GABRB2: variants seen among roughly 807,000 people sequenced by gnomAD.
GABRB2 encodes gamma-aminobutyric acid receptor subunit beta-2.
In GABRB2, 16 loss-of-function variants were observed where a neutral mutation model predicts 54.7. That is an observed-to-expected ratio of 0.29 (90% CI 0.20 to 0.44). The LOEUF (loss-of-function observed/expected upper bound fraction) is 0.44, where lower values mean the gene tolerates loss of function less well. Ranked by LOEUF, GABRB2 falls within the 20% of genes least tolerant of loss-of-function variation. The probability of loss-of-function intolerance (pLI) is 1.00; values close to 1 mark genes in which losing one functional copy is unlikely to be tolerated. For missense variants in GABRB2, 355 were observed against 644.0 expected (o/e 0.55, Z 4.86); for synonymous variants, 244 against 233.8 (o/e 1.04, Z -0.40).
intron 5 of GABRB2, among the ~76,000 whole-genome samples, chr5:161,395,815 G>C (rs779545155): frequency 3.5e-4 from 54 of 152,184 alleles, no homozygotes; most frequent in Middle Eastern, 3.4e-3. Flanking sequence ...TTGGGCTGAA[G>C]AGCCAAGACT....
chr5:161,384,477 C>A (rs781308290), intron 5 of GABRB2, among the ~76,000 whole-genome samples: 5 of 152,134 alleles, frequency 3.3e-5, no homozygotes, highest in Non-Finnish European at 7.3e-5. Flanking sequence ...GCTTCTTTCA[C>A]GGTAACAGTG....
At chr5:161,521,560 GA>G (rs1173481288) in intron 3 of GABRB2, among the ~76,000 whole-genome samples, 1 of 151,948 alleles carries the variant, frequency 6.6e-6, no homozygotes, top group Non-Finnish European at 1.5e-5. Context: ...TCACCTCACA[GA>G]AACGGTGGGA....
chr5:161,400,453 T>C (rs935509643), intron 5 of GABRB2, among the ~76,000 whole-genome samples: 1 of 152,016 alleles, frequency 6.6e-6, no homozygotes, highest in African/African-American at 2.4e-5. Context: ...CGCTACAAAA[T>C]TTGCCCACAG....
rs183448688 is a variant in GABRB2 at position 161,341,355 on chromosome 5, C to A, written c.542-4586G>T. 7.2e-5 allele frequency among the ~76,000 whole-genome samples: 11 copies of A among 151,950 alleles called. No individual in the cohort carries two copies. In the East Asian group the frequency reaches 2.1e-3, roughly 29 times the overall value. ...CAGAAGGAAATGCACTGAAGCACTT[C>A]GTTAATGTACTGCAAATTAAACTCA... On this transcript the variant is annotated intron_variant, in intron 5 of 9. Transcript: ENST00000393959.
chr5:161,443,050 A>G (rs1456935475), intron 4 of GABRB2, among the ~76,000 whole-genome samples: 1 of 152,112 alleles, frequency 6.6e-6, no homozygotes, highest in Non-Finnish European at 1.5e-5. Flanking sequence ...TGTTCTCCTG[A>G]ACATAAAATT....
intron 4 of GABRB2, among the ~76,000 whole-genome samples, chr5:161,431,327 G>A (rs1580980236): frequency 6.6e-6 from 1 of 152,174 alleles, no homozygotes; most frequent in Non-Finnish European, 1.5e-5. Flanking sequence ...TCTGAGTGAG[G>A]TCAGGGGAAG....
At chr5:161,508,870 G>C (rs746324431) in intron 3 of GABRB2, among the ~76,000 whole-genome samples, 7 of 151,974 alleles carry the variant, frequency 4.6e-5, no homozygotes, top group African/African-American at 1.7e-4. Context: ...GAATCATAAA[G>C]TGTTCTGCTA....
At chr5:161,391,586 T>C (rs1755824516) in intron 5 of GABRB2, among the ~76,000 whole-genome samples, 3 of 152,022 alleles carry the variant, frequency 2.0e-5, no homozygotes, top group South Asian at 4.1e-4. Context: ...CATAACATCA[T>C]CGCCAAAAAA....
At chr5:161,315,284 C>G (rs1441417438) in intron 9 of GABRB2, among the ~76,000 whole-genome samples, 3 of 152,094 alleles carry the variant, frequency 2.0e-5, no homozygotes, top group Non-Finnish European at 4.4e-5. Flanking sequence ...GAAAATTAGT[C>G]ATAGTTAAGT....
At chr5:161,482,663 T>C (rs528015327) in intron 3 of GABRB2, among the ~76,000 whole-genome samples, 24 of 152,092 alleles carry the variant, frequency 1.6e-4, no homozygotes, top group Non-Finnish European at 3.1e-4. Context: ...TTTATAAATC[T>C]GCATGTCATA....
Position 161,290,728 on chromosome 5 carries a change from G to C in GABRB2, c.*3353C>G, listed in dbSNP as rs1757215411. 6.6e-6 allele frequency: 1 copy of C among 152,422 alleles called. No individual in the cohort carries two copies. Among genetic ancestry groups the C allele is most frequent in the Non-Finnish European group, 1.5e-5 (1 of 67,972 alleles). The allele number at this position is 152,422 out of a possible 1,614,324, so 9.4% of individuals were successfully genotyped here. A position where few individuals can be genotyped will look rare whatever the true frequency, so the allele number is the denominator to read the frequency against. ...GCCATTTTTCTTGTTGAGTATGAAG[G>C]TAATCATTAAACTGGAACACGGTTA... is the stretch of plus-strand genomic sequence containing the variant. On this transcript the variant is annotated 3_prime_UTR_variant, in exon 10 of 10. Transcript: ENST00000393959.
At chr5:161,356,760 AAC>A (rs1366680100) in intron 5 of GABRB2, among the ~76,000 whole-genome samples, 3 of 152,138 alleles carry the variant, frequency 2.0e-5, no homozygotes, top group African/African-American at 7.2e-5. Flanking sequence ...CAGAGAAAGA[AAC>A]ACAGAGAGGC....
At chr5:161,311,862 T>G (rs1338535189) in intron 9 of GABRB2, among the ~76,000 whole-genome samples, 2 of 152,220 alleles carry the variant, frequency 1.3e-5, no homozygotes, top group African/African-American at 4.8e-5. Context: ...CTAGATAATA[T>G]CTTAGATCCC....
chr5:161,388,514 T>C (rs940077785), intron 5 of GABRB2, among the ~76,000 whole-genome samples: 2 of 152,078 alleles, frequency 1.3e-5, no homozygotes, highest in African/African-American at 4.8e-5. Context: ...CATTCTTGAC[T>C]AATTTTAACC....
chr5:161,334,245 C>T (rs1003090122), intron 7 of GABRB2, among the ~76,000 whole-genome samples: 1 of 152,058 alleles, frequency 6.6e-6, no homozygotes, highest in African/African-American at 2.4e-5. Context: ...TAGAAAAAAA[C>T]AGCATAAGAT....
In GABRB2 at chr5:161,426,567, T is replaced by C. The variant is rs141048900; in HGVS notation, c.459-15510A>G. Among the ~76,000 whole-genome samples, 482 of 152,050 alleles carry C rather than the reference T, an allele frequency of 3.2e-3. 1 individual carries two copies. Among genetic ancestry groups the C allele is most frequent in the African/African-American group, 0.01 (435 of 41,480 alleles). ...TGCAGGGTTGTTTAAAAACACAAGA[T>C]GAAATGAAGAAAAACATCCCCTTGT... On this transcript the variant is annotated intron_variant, in intron 4 of 9. Transcript: ENST00000393959.
intron 3 of GABRB2, among the ~76,000 whole-genome samples, chr5:161,521,076 A>G (rs982634728): frequency 6.6e-6 from 1 of 152,026 alleles, no homozygotes; most frequent in African/African-American, 2.4e-5. Flanking sequence ...ACAATTTCCT[A>G]TGGACGGGCA....
upstream of GABRB2, among the ~76,000 whole-genome samples, chr5:161,547,570 G>A (rs956162564): frequency 2.6e-5 from 4 of 152,010 alleles, no homozygotes; most frequent in East Asian, 2.0e-4. Flanking sequence ...ATTTATAGCA[G>A]GAGGGGAGGG....
intron 3 of GABRB2, among the ~76,000 whole-genome samples, chr5:161,527,366 TA>T (rs760840458): frequency 2.0e-5 from 3 of 151,526 alleles, no homozygotes; most frequent in Non-Finnish European, 4.4e-5. Flanking sequence ...ACTCAAATTT[TA>T]TATGAAAATT....
Sources: gnomAD v4.1 joint callset for allele counts (sites outside exome capture counted in the v4.1 genomes callset) on GRCh38, gnomAD v4.1.1 for gene constraint, MANE v1.5 for transcripts, NCBI Gene and HGNC (gene_info 2026-07-23, HGNC 2026-07-21) for gene names.